NRG1: variants seen among roughly 807,000 people sequenced by gnomAD.
The protein encoded by NRG1 is neuregulin 1, also known as pro-neuregulin-1, membrane-bound isoform.
Under a neutral mutation model 63.8 loss-of-function variants are expected in NRG1, and 18 were observed. The observed-to-expected ratio is 0.28, with a 90% CI of 0.19 to 0.42. NRG1 has a LOEUF of 0.42. Ranked by LOEUF, NRG1 falls within the 10% of genes least tolerant of loss-of-function variation. The pLI, the probability that NRG1 is intolerant of heterozygous loss-of-function variation, is 1.00. For missense variants in NRG1, 762 were observed against 814.7 expected (o/e 0.94, Z 0.79); for synonymous variants, 302 against 301.3 (o/e 1.00, Z -0.02).
At chr8:32,577,836 A>G (rs1215910788) in intron 1 of NRG1, among the ~76,000 whole-genome samples, 1 of 152,086 alleles carries the variant, frequency 6.6e-6, no homozygotes, top group Admixed American at 6.6e-5. Context: ...TCTTACAAAA[A>G]TGAGGAGCTG....
chr8:32,756,281 C>A, intron 8 of NRG1, 122 bp from the exon 9 acceptor site: 1 of 1,091,172 alleles, frequency 9.2e-7, no homozygotes, highest in East Asian at 2.5e-5. Context: ...ACTCCCTTCC[C>A]TCTTCCTCAT....
intron 1 of NRG1, among the ~76,000 whole-genome samples, chr8:31,895,172 G>A (rs1831478752): frequency 6.6e-6 from 1 of 152,176 alleles, no homozygotes; most frequent in Non-Finnish European, 1.5e-5. Context: ...TAATACTAAG[G>A]AGCCTGATAG....
chr8:32,288,536 A>T (rs1276001726), intron 1 of NRG1, among the ~76,000 whole-genome samples: 1 of 152,144 alleles, frequency 6.6e-6, no homozygotes, highest in Non-Finnish European at 1.5e-5. Flanking sequence ...CAATAAGAAG[A>T]TTTTTATGGC....
At chr8:32,332,363 G>A (rs1433491467) in intron 1 of NRG1, among the ~76,000 whole-genome samples, 10 of 152,028 alleles carry the variant, frequency 6.6e-5, no homozygotes, top group East Asian at 3.9e-4. Flanking sequence ...TCAGCATTGC[G>A]TGACTTCACT....
chr8:31,741,807 C>T (rs1185766470), intron 1 of NRG1, among the ~76,000 whole-genome samples: 1 of 152,014 alleles, frequency 6.6e-6, no homozygotes, highest in Admixed American at 6.6e-5. Flanking sequence ...GAAGATAGAC[C>T]TATTTACAGG....
chr8:31,675,819 A>G (rs1394528153), intron 1 of NRG1, among the ~76,000 whole-genome samples: 1 of 152,168 alleles, frequency 6.6e-6, no homozygotes, highest in Non-Finnish European at 1.5e-5. Flanking sequence ...AAGAATTATT[A>G]TTCCTCTTTT....
chr8:32,478,635 G>A (rs551735409), intron 1 of NRG1, among the ~76,000 whole-genome samples: 51 of 152,180 alleles, frequency 3.4e-4, no homozygotes, highest in Non-Finnish European at 6.3e-4. Context: ...TACGAAATGA[G>A]TATGGAAATA....
intron 1 of NRG1, among the ~76,000 whole-genome samples, chr8:32,461,357 CT>C: frequency 6.6e-6 from 1 of 152,244 alleles, no homozygotes; most frequent in African/African-American, 2.4e-5. Context: ...ACTACTATAG[CT>C]GTTGTCTATA....
chr8:32,393,416 A>G (rs1812029651), intron 1 of NRG1, among the ~76,000 whole-genome samples: 1 of 152,234 alleles, frequency 6.6e-6, no homozygotes, highest in Non-Finnish European at 1.5e-5. Flanking sequence ...CTGTTCTACC[A>G]TAAAAACACA....
chr8:31,639,630 T>C, intron 1 of NRG1: 1 of 1,407,140 alleles, frequency 7.1e-7, no homozygotes, highest in Non-Finnish European at 9.2e-7. Flanking sequence ...CACGTCCTCC[T>C]CCGGTGACAG....
chr8:32,436,186 T>C (rs1466517563), intron 1 of NRG1, among the ~76,000 whole-genome samples: 2 of 152,064 alleles, frequency 1.3e-5, no homozygotes, highest in Non-Finnish European at 2.9e-5. Context: ...CAAGAGAGAA[T>C]GAGAGCAAAG....
At chr8:31,726,761 G>A (rs1813487946) in intron 1 of NRG1, among the ~76,000 whole-genome samples, 1 of 132,988 alleles carries the variant, frequency 7.5e-6, no homozygotes, top group Non-Finnish European at 1.6e-5. Flanking sequence ...AGGCCCTGGA[G>A]AGTTGTCCTG....
intron 3 of NRG1, among the ~76,000 whole-genome samples, chr8:32,608,107 G>GTTTTTTTTTTTTTTT (rs1224928528): frequency 1.2e-3 from 124 of 104,630 alleles, no homozygotes; most frequent in Non-Finnish European, 1.8e-3. Flanking sequence ...TTTTTTTTTT[G>GTTTTTTTTTTTTTTT]TTTTTTTTTT....
chr8:32,593,634 A>T (rs961171879), intron 1 of NRG1, among the ~76,000 whole-genome samples: 1 of 151,802 alleles, frequency 6.6e-6, no homozygotes, highest in South Asian at 2.1e-4. Flanking sequence ...AGCCTGTGCA[A>T]CCGAGCAAGA....
chr8:32,095,175 G>T (rs1272404623), intron 1 of NRG1, among the ~76,000 whole-genome samples: 2 of 152,178 alleles, frequency 1.3e-5, no homozygotes, highest in Non-Finnish European at 2.9e-5. Context: ...CTCCCAAAGT[G>T]CTGGGATTAC....
chr8:31,948,477 G>A (rs1398398350), intron 1 of NRG1, among the ~76,000 whole-genome samples: 2 of 152,102 alleles, frequency 1.3e-5, no homozygotes, highest in African/African-American at 2.4e-5. Context: ...CAGCTGCTTG[G>A]ATCTTGGCAG....
rs36040084 is a variant in NRG1, at chr8:31,742,455, ATTTTTTTTTTTT to A, written c.37+103039_37+103050del. 1.7e-4 allele frequency among the ~76,000 whole-genome samples: 14 copies of A among 80,024 alleles called. 1 individual carries two copies. Among genetic ancestry groups the A allele is most frequent in the African/African-American group, 6.4e-4 (13 of 20,416 alleles). The allele number at this position is 80,024 out of a possible 152,430, so 52.5% of individuals were successfully genotyped here. A position where few individuals can be genotyped will look rare whatever the true frequency, so the allele number is the denominator to read the frequency against. ...GCAACGACAGACAACTTTTTTAAGA[ATTTTTTTTTTTT>A]TTTTTTTTTTTTTTAACGAAAGCTA... On this transcript the variant is annotated intron_variant, in intron 1 of 10. Transcript: ENST00000519301.
At chr8:32,039,311 G>T (rs1819560467) in intron 1 of NRG1, among the ~76,000 whole-genome samples, 1 of 152,276 alleles carries the variant, frequency 6.6e-6, no homozygotes, top group African/African-American at 2.4e-5. Flanking sequence ...GCCTGCGATT[G>T]TTATTCTAGT....
At position 32,212,318 on chromosome 8, in the gene NRG1, G is replaced by A. The variant is rs572187150; in HGVS notation, c.38-383510G>A. Among the ~76,000 whole-genome samples the A allele has an allele frequency of 4.6e-5, 7 of 152,200 alleles. No homozygotes were observed. The East Asian group carries it at 1.4e-3, about 29-fold the overall frequency. On this transcript the variant is annotated intron_variant, in intron 1 of 10. Coordinates refer to the NRG1 transcript ENST00000519301. ...AGGCAATTTAAGAGCACTCAGTAAA[G>A]TTAGCTCTTATTAAATTTTTGCAAC...
Sources: allele counts gnomAD v4.1 joint callset (sites outside exome capture counted in the v4.1 genomes callset), GRCh38; gene constraint gnomAD v4.1.1; transcripts MANE v1.5; gene names NCBI Gene and HGNC (gene_info 2026-07-23, HGNC 2026-07-21).